The following VWF variants were observed in gnomAD, a reference collection of about 807,000 sequenced individuals.
The protein encoded by VWF is von Willebrand factor.
In VWF, 176 loss-of-function variants were observed where a neutral mutation model predicts 308.6. The observed-to-expected ratio is 0.57, with a 90% CI of 0.50 to 0.65. VWF has a LOEUF of 0.65. Ranked by LOEUF, VWF falls within the 30% of genes least tolerant of loss-of-function variation. VWF has a pLI of 0.00. For synonymous variants in VWF, 1,385 were observed against 1,443.4 expected, an observed-to-expected ratio of 0.96 and a Z score of 0.92; for missense variants, 3,146 against 3,648.2, an observed-to-expected ratio of 0.86 and a Z score of 3.55.
At chr12:5,986,463 T>C (rs1435140954) in intron 38 of VWF, among the ~76,000 whole-genome samples, 1 of 152,174 alleles carries the variant, frequency 6.6e-6, no homozygotes, top group Non-Finnish European at 1.5e-5. Context: ...TCAAGTGAAA[T>C]TGCCCCTGAA....
chr12:5,968,384 C>T (rs1453506463), intron 45 of VWF, among the ~76,000 whole-genome samples: 1 of 152,088 alleles, frequency 6.6e-6, no homozygotes, highest in African/African-American at 2.4e-5. Flanking sequence ...AGAAGAGCCC[C>T]GTACGTTCTC....
rs766468461 is a variant in VWF at position 6,121,293 on chromosome 12, C to T, written c.101G>A (p.Arg34Gln). Residue 34 changes from arginine (R) to glutamine (Q), a missense_variant, in exon 3 of 52, where the codon CGA becomes CAA. Physicochemically the swap from Arg to Gln is conservative, Grantham distance 43. Around this residue, in one of 3 missense-constraint regions of VWF, gnomAD observed 1,304 missense variants for 1,353.0 expected, o/e 0.96. Transcript: ENST00000261405. ...EGTRGRSSTA[R>Q]CSLFGSDFVN... ...GAAGTCACTTCCGAAAAGGCTGCAT[C>T]GGGCCGTGGATGACCTGCCGCGAGT... The T allele has an allele frequency of 5.0e-6, 8 of 1,614,090 alleles. No homozygotes were observed. The highest frequency in any genetic ancestry group is 5.9e-6 in the Non-Finnish European group (7 of 1,180,046).
At chr12:6,092,620 T>TGTGTGA (rs1945057024) in intron 6 of VWF, among the ~76,000 whole-genome samples, 1 of 89,678 alleles carries the variant, frequency 1.1e-5, no homozygotes, top group Non-Finnish European at 2.1e-5. Context: ...TGAGTGAGAG[T>TGTGTGA]GTGTGTGTGT....
intron 46 of VWF, 30 bp downstream of exon 46, chr12:5,968,097 C>T: frequency 6.2e-7 from 1 of 1,614,020 alleles, no homozygotes; most frequent in Non-Finnish European, 8.5e-7. Context: ...GTCCCCACCA[C>T]TTGCTCTGGA....
chr12:5,954,043 C>T (rs1008086790), intron 47 of VWF, among the ~76,000 whole-genome samples: 5 of 152,052 alleles, frequency 3.3e-5, no homozygotes, highest in Admixed American at 6.5e-5. Context: ...TTTTCTCATC[C>T]CCTGCTTATC....
intron 6 of VWF, among the ~76,000 whole-genome samples, chr12:6,093,640 CCT>C (rs1279698164): frequency 6.6e-6 from 1 of 152,332 alleles, no homozygotes; most frequent in Non-Finnish European, 1.5e-5. Flanking sequence ...GGCAACAACC[CCT>C]GTTCCCCACA....
intron 18 of VWF, among the ~76,000 whole-genome samples, chr12:6,040,611 G>A (rs1944386130): frequency 1.3e-5 from 2 of 152,196 alleles, no homozygotes; most frequent in Non-Finnish European, 2.9e-5. Flanking sequence ...GATGTTAGGA[G>A]GCAGGATTCA....
At chr12:5,995,270 T>C (rs1943796524) in intron 35 of VWF, among the ~76,000 whole-genome samples, 1 of 152,222 alleles carries the variant, frequency 6.6e-6, no homozygotes, top group Admixed American at 6.5e-5. Context: ...CACATTAAAA[T>C]GTACTCACAT....
rs1555074261 is a variant in VWF, at chr12:6,096,154, T to TGGATGGATGGAC, written c.533-571_533-570insGTCCATCCATCC. Among the ~76,000 whole-genome samples, 274 of 148,432 alleles carry TGGATGGATGGAC rather than the reference T, an allele frequency of 1.8e-3. 11 individuals carry two copies. Among genetic ancestry groups the TGGATGGATGGAC allele is most frequent in the African/African-American group, 6.5e-3 (257 of 39,764 alleles). On this transcript the variant is annotated intron_variant, in intron 5 of 51. Coordinates refer to ENST00000261405, the MANE Select transcript of VWF (RefSeq NM_000552.5). Reference sequence around the variant, plus strand: ...ATGGATGGATGGATGGATGGATGGATGGACGGTTACAATTACGATGAGGGA... The same window carrying TGGATGGATGGAC: ...ATGGATGGATGGATGGATGGATGGATGGATGGATGGACGGACGGTTACAATTACGATGAGGGA...
At position 6,046,881 on chromosome 12, in the gene VWF, T is replaced by G. The variant is rs1021620690; in HGVS notation, c.2187-64A>C. The G allele has an allele frequency of 2.1e-6, 3 of 1,440,156 alleles. No homozygotes were observed. Among genetic ancestry groups the G allele is most frequent in the Admixed American group, 1.8e-5 (1 of 56,450 alleles). The allele number at this position is 1,440,156 out of a possible 1,614,324, so 89.2% of individuals were successfully genotyped here. On this transcript the variant is annotated intron_variant, in intron 16 of 51. Coordinates refer to ENST00000261405, the MANE Select transcript of VWF (RefSeq NM_000552.5). The surrounding 1 kb of genome is among the most constrained non-coding windows in gnomAD (Gnocchi z 5.0). Reference sequence around the variant, plus strand: ...CGTCTATACTCGCTGCCTCCACATCTTCACCTCCCACTCACTCTCTGCCCC... The same window carrying G: ...CGTCTATACTCGCTGCCTCCACATCGTCACCTCCCACTCACTCTCTGCCCC...
intron 20 of VWF, among the ~76,000 whole-genome samples, chr12:6,034,103 C>T (rs1308789354): frequency 3.3e-5 from 5 of 152,200 alleles, no homozygotes; most frequent in Non-Finnish European, 7.3e-5. Context: ...GGCAGGATGA[C>T]TTTCCTGTGT....
chr12:5,976,387 T>G, intron 42 of VWF, 127 bp from the exon 43 acceptor site: 4 of 1,204,386 alleles, frequency 3.3e-6, no homozygotes, highest in East Asian at 5.0e-5. Context: ...AAATGTGGTC[T>G]CCGCCCATAT....
chr12:6,096,107 AGATGGATGGATGGATG>A lies in VWF; in HGVS notation c.533-539_533-524del, dbSNP rs58581042. ...GGAGACTGAAGAAGGATGGATGGAT[AGATGGATGGATGGATG>A]GATGGATGGATGGATGGATGGATGG... is the stretch of plus-strand genomic sequence containing the variant. On this transcript the variant is annotated intron_variant, in intron 5 of 51. Transcript: ENST00000261405. The A allele has an allele frequency of 8.3e-4, 129 of 156,082 alleles. 1 individual carries two copies. The South Asian group carries it at 8.7e-3, about 11-fold the overall frequency. 9.7% of individuals were successfully genotyped at this position (156,082 alleles called of 1,614,324 possible).
chr12:6,115,665 G>A (rs772949492), intron 3 of VWF, among the ~76,000 whole-genome samples: 16 of 152,086 alleles, frequency 1.1e-4, no homozygotes, highest in African/African-American at 3.1e-4. Flanking sequence ...TTTTACAGAC[G>A]GAGAAACGAA....
At chr12:6,057,322 T>TTTTTTTTTTTTTTC in intron 14 of VWF, among the ~76,000 whole-genome samples, 1 of 146,290 alleles carries the variant, frequency 6.8e-6, no homozygotes, top group Non-Finnish European at 1.5e-5. Flanking sequence ...TTTTTTTTTT[T>TTTTTTTTTTTTTTC]TTTTTTTGGA....
intron 6 of VWF, among the ~76,000 whole-genome samples, chr12:6,089,511 A>T (rs1170270057): frequency 6.6e-6 from 1 of 152,108 alleles, no homozygotes; most frequent in Non-Finnish European, 1.5e-5. Context: ...AGCCTCAGAA[A>T]GGTGCCCCGG....
intron 6 of VWF, among the ~76,000 whole-genome samples, chr12:6,090,610 TC>T (rs1945022611): frequency 1.0e-5 from 1 of 97,800 alleles, no homozygotes; most frequent in East Asian, 3.3e-4. Flanking sequence ...CAACTCCTCC[TC>T]CTCCTCCTCC....
In VWF at chr12:6,079,416, C is replaced by T. The variant is rs185196742; in HGVS notation, c.658-3865G>A. On this transcript the variant is annotated intron_variant, in intron 6 of 51. Coordinates refer to ENST00000261405, the MANE Select transcript of VWF (RefSeq NM_000552.5). ...GGTCAGGAGATCAAGACCATCCTGGCTAACACGGTGAAACCCCATCTCTAC... is the reference window on the plus strand; with the variant it reads ...GGTCAGGAGATCAAGACCATCCTGGTTAACACGGTGAAACCCCATCTCTAC... Among the ~76,000 whole-genome samples the T allele has an allele frequency of 8.1e-3, 1,231 of 152,102 alleles. 15 individuals are homozygous for T. Among genetic ancestry groups the T allele is most frequent in the African/African-American group, 0.028 (1,172 of 41,482 alleles).
intron 6 of VWF, among the ~76,000 whole-genome samples, chr12:6,091,557 T>C (rs143286743): frequency 1.3e-5 from 2 of 152,152 alleles, no homozygotes; most frequent in African/African-American, 4.8e-5. Context: ...TTTGGTTTTG[T>C]TTTATAGACA....
Sources: gnomAD v4.1 joint callset for allele counts (sites outside exome capture counted in the v4.1 genomes callset) on GRCh38, gnomAD v4.1.1 for gene constraint, gnomAD v4.1.1 regional missense constraint, Gnocchi (gnomAD v3.1) non-coding constraint, MANE v1.5 for transcripts, NCBI Gene and HGNC (gene_info 2026-07-23, HGNC 2026-07-21) for gene names.